Variants in DENND5A observed in about 807,000 individuals in gnomAD.
DENND5A encodes the protein DENN domain-containing protein 5A.
Under a neutral mutation model 140.3 loss-of-function variants are expected in DENND5A, and 64 were observed. The observed-to-expected ratio is 0.46, with a 90% CI of 0.37 to 0.56. The LOEUF is 0.56. Among genes scored for constraint, DENND5A ranks in the 20% least tolerant of loss-of-function variants. DENND5A has a pLI of 0.00. For synonymous variants in DENND5A, 605 were observed against 607.7 expected (o/e 1.00, Z 0.07); for missense variants, 1,292 against 1,593.8 (o/e 0.81, Z 3.22).
At position 9,156,487 on chromosome 11, in the gene DENND5A, C is replaced by T. The variant is rs192886278; in HGVS notation, c.2437-4045G>A. 2.9e-3 allele frequency among the ~76,000 whole-genome samples: 448 copies of T among 152,148 alleles called. 2 individuals carry two copies. Among genetic ancestry groups the T allele is most frequent in the African/African-American group, 0.01 (416 of 41,518 alleles). ...TAAAAATACAAAAAAATTAGCCGGA[C>T]GTGGTGGCCTGAGCCTGTAATCCCA... On this transcript the variant is annotated intron_variant, in intron 12 of 22. Transcript: ENST00000328194.
At position 9,169,890 on chromosome 11, in the gene DENND5A, G is replaced by A. The variant is rs763635934; in HGVS notation, c.2117C>T (p.Thr706Ile). The A allele has an allele frequency of 3.1e-6, 5 of 1,613,640 alleles. No homozygotes were observed. Among genetic ancestry groups the A allele is most frequent in the Non-Finnish European group, 4.2e-6 (5 of 1,179,556 alleles). The change falls in exon 10 of 23, where the codon ACA becomes ATA. Residue 706 changes from threonine (T) to isoleucine (I), a missense_variant. Thr to Ile is a moderately conservative substitution (Grantham distance 89). This residue lies in a region of DENND5A where 199 missense variants were observed against 189.1 expected (regional missense o/e 1.05). Transcript: ENST00000328194. ...WRRKDRQKQH[T>I]EHLRLDNDQR... ...GTCATTATCTAAACGCAGGTGTTCT[G>A]TGTGCTGCTTCTGCCGATCTTTCCG...
chr11:9,202,692 T>C (rs1394073306), intron 4 of DENND5A, among the ~76,000 whole-genome samples: 2 of 152,136 alleles, frequency 1.3e-5, no homozygotes, highest in African/African-American at 4.8e-5. Context: ...TCTAACACCA[T>C]CTCCTACTAT....
intron 1 of DENND5A, among the ~76,000 whole-genome samples, chr11:9,220,513 C>T (rs1850267944): frequency 6.6e-6 from 1 of 151,928 alleles, no homozygotes; most frequent in African/African-American, 2.4e-5. Context: ...TGCCATTGCA[C>T]TCCAGTATAG....
intron 1 of DENND5A, among the ~76,000 whole-genome samples, chr11:9,248,094 A>C (rs1029786392): frequency 3.9e-5 from 6 of 152,022 alleles, no homozygotes; most frequent in Admixed American, 1.3e-4. Context: ...GCAATCCTCC[A>C]CATCAGGCCT....
Position 9,147,125 on chromosome 11 carries a change from A to G in DENND5A, c.2762T>C (p.Leu921Pro). ...CTGCTCCTTCTCGTCATCACAGCGCAGGAAGGCATAGCGCTTATATAACTT... is the reference window on the plus strand; with the variant it reads ...CTGCTCCTTCTCGTCATCACAGCGCGGGAAGGCATAGCGCTTATATAACTT... Reference protein sequence around the residue: ...TKKLYKRYAFLRCDDEKEQFL... With the variant: ...TKKLYKRYAFPRCDDEKEQFL... Residue 921 changes from leucine to proline, a missense_variant, in exon 16 of 23, where the codon CTG becomes CCG. Leu to Pro is a moderately conservative substitution (Grantham distance 98). Around this residue, in one of 4 missense-constraint regions of DENND5A, gnomAD observed 498 missense variants for 689.7 expected, o/e 0.72. Coordinates refer to ENST00000328194, the MANE Select transcript of DENND5A (RefSeq NM_015213.4). The G allele has an allele frequency of 5.0e-6, 8 of 1,614,172 alleles. No individual in the cohort carries two copies. Among genetic ancestry groups the G allele is most frequent in the Non-Finnish European group, 6.8e-6 (8 of 1,179,978 alleles).
At chr11:9,163,325 A>G (rs1848054648) in intron 11 of DENND5A, among the ~76,000 whole-genome samples, 1 of 152,190 alleles carries the variant, frequency 6.6e-6, no homozygotes, top group South Asian at 2.1e-4. Context: ...TACTTTCAAC[A>G]GCCTGTTGCC....
At chr11:9,200,369 T>C (rs905449689) in intron 4 of DENND5A, among the ~76,000 whole-genome samples, 4 of 152,212 alleles carry the variant, frequency 2.6e-5, no homozygotes, top group African/African-American at 7.2e-5. Flanking sequence ...TTTGTCCAAG[T>C]CTATATTTCA....
intron 6 of DENND5A, among the ~76,000 whole-genome samples, chr11:9,179,980 C>T (rs556846730): frequency 1.3e-5 from 2 of 152,238 alleles, no homozygotes; most frequent in Admixed American, 6.5e-5. Flanking sequence ...TTATAAGTAA[C>T]TTACGAAAGT....
intron 12 of DENND5A, among the ~76,000 whole-genome samples, chr11:9,160,039 A>C (rs1366332377): frequency 2.6e-5 from 4 of 152,256 alleles, no homozygotes; most frequent in Non-Finnish European, 5.9e-5. Context: ...TAGTGCCTAC[A>C]ACAGTACCTG....
At chr11:9,240,622 A>G (rs1315846566) in intron 1 of DENND5A, among the ~76,000 whole-genome samples, 2 of 152,038 alleles carry the variant, frequency 1.3e-5, no homozygotes, top group East Asian at 1.9e-4. Context: ...AGGTGGGAGG[A>G]TCACTTGAGC....
chr11:9,210,251 C>A lies in DENND5A; in HGVS notation c.110-2619G>T, dbSNP rs557392203. ...AATTCAAACAATATTAGGAATATGA[C>A]ATCACCAACATGACTGTCCTATTGT... is the stretch of plus-strand genomic sequence containing the variant. On this transcript the variant is annotated intron_variant, in intron 1 of 22. Transcript: ENST00000328194. Among the ~76,000 whole-genome samples, 25 of 152,320 alleles carry A rather than the reference C, an allele frequency of 1.6e-4. 1 individual carries two copies. The highest frequency in any genetic ancestry group is 6.0e-4 in the African/African-American group (25 of 41,564).
At chr11:9,153,036 GGCCAGGCACAGTGTCT>G (rs1258613574) in intron 12 of DENND5A, among the ~76,000 whole-genome samples, 1 of 145,950 alleles carries the variant, frequency 6.9e-6, no homozygotes, top group Non-Finnish European at 1.5e-5. Flanking sequence ...GAAAAAAGCA[GGCCAGGCACAGTGTCT>G]CACACCTGTA....
chr11:9,238,284 T>C (rs1851085978), intron 1 of DENND5A, among the ~76,000 whole-genome samples: 2 of 152,154 alleles, frequency 1.3e-5, no homozygotes, highest in Non-Finnish European at 2.9e-5. Context: ...TGTTAAAATA[T>C]ATACACATAC....
intron 5 of DENND5A, among the ~76,000 whole-genome samples, chr11:9,189,426 A>G (rs1849032754): frequency 6.6e-6 from 1 of 152,142 alleles, no homozygotes; most frequent in Non-Finnish European, 1.5e-5. Context: ...AGCTGTGAGA[A>G]GAAAGCCATC....
At chr11:9,237,011 C>G (rs1242726437) in intron 1 of DENND5A, among the ~76,000 whole-genome samples, 1 of 152,026 alleles carries the variant, frequency 6.6e-6, no homozygotes, top group Non-Finnish European at 1.5e-5. Flanking sequence ...AAAAGATAAA[C>G]ACCACAACAG....
chr11:9,183,174 T>C (rs1296267556), intron 5 of DENND5A, among the ~76,000 whole-genome samples: 5 of 152,248 alleles, frequency 3.3e-5, no homozygotes, highest in Non-Finnish European at 7.3e-5. Context: ...CTTATACTCA[T>C]GAATCTGTTC....
intron 19 of DENND5A, 108 bp downstream of exon 19, chr11:9,143,989 G>T: frequency 7.5e-7 from 1 of 1,330,286 alleles, no homozygotes; most frequent in Non-Finnish European, 1.0e-6. Flanking sequence ...AGTGTTTCCT[G>T]AGGCAGCTGC....
chr11:9,172,088 C>T (rs573590021), intron 8 of DENND5A: 2 of 152,164 alleles, frequency 1.3e-5, no homozygotes, highest in Admixed American at 6.5e-5. Context: ...AGAGTATCAG[C>T]GGTTCTGGGA....
chr11:9,263,409 C>A (rs1226863092), intron 1 of DENND5A, among the ~76,000 whole-genome samples: 1 of 151,000 alleles, frequency 6.6e-6, no homozygotes, highest in African/African-American at 2.4e-5. Flanking sequence ...TTAGTAGAGA[C>A]GGGGGTTTCA....
Sources: allele counts gnomAD v4.1 joint callset (sites outside exome capture counted in the v4.1 genomes callset), GRCh38; gene constraint gnomAD v4.1.1; regional missense constraint gnomAD v4.1.1; transcripts MANE v1.5; gene names NCBI Gene and HGNC (gene_info 2026-07-23, HGNC 2026-07-21).